The following PCDHGA4 variants were observed in gnomAD, a reference collection of about 807,000 sequenced individuals.
The protein encoded by PCDHGA4 is protocadherin gamma-A4.
Under a neutral mutation model 54.6 loss-of-function variants are expected in PCDHGA4, and 38 were observed. The ratio of observed to expected loss-of-function variants is 0.70; its 90% CI spans 0.54 to 0.91. PCDHGA4 has a LOEUF of 0.91. Ranked by LOEUF, PCDHGA4 falls within the 40% of genes least tolerant of loss-of-function variation. The pLI is 0.00. For synonymous variants in PCDHGA4, 511 were observed against 512.9 expected, an observed-to-expected ratio of 1.00 and a Z score of 0.05; for missense variants, 1,298 against 1,220.9, an observed-to-expected ratio of 1.06 and a Z score of -0.94.
chr5:141,416,532 A>T (rs3806830), intron 1 of PCDHGA4: 1 of 152,142 alleles, frequency 6.6e-6, no homozygotes, highest in Non-Finnish European at 1.5e-5. Context: ...TCTTTAATGT[A>T]TAAGGAGGCA....
chr5:141,422,626 C>A, intron 1 of PCDHGA4: 2 of 1,613,334 alleles, frequency 1.2e-6, no homozygotes, highest in Non-Finnish European at 1.7e-6. Flanking sequence ...CGAAAACAAC[C>A]CCAGGGGTGC....
chr5:141,357,069 A>G lies in PCDHGA4; in HGVS notation c.1962A>G (p.Thr654=), dbSNP rs777295000. The part of the protein sequence containing the change: ...EPGLFAVGLH[T]GEVRTARALL... Reference sequence around the variant, plus strand: ...GACTATTTGCAGTGGGGCTGCACACAGGCGAGGTGCGCACCGCACGGGCCC... The same window carrying G: ...GACTATTTGCAGTGGGGCTGCACACGGGCGAGGTGCGCACCGCACGGGCCC... The change falls in exon 1 of 4, where the codon ACA becomes ACG. Residue 654 remains threonine, a synonymous_variant. Coordinates refer to ENST00000571252, the MANE Select transcript of PCDHGA4 (RefSeq NM_018917.4). 5 of 1,613,964 alleles carry G rather than the reference A, an allele frequency of 3.1e-6. No homozygotes were observed. The highest frequency in any genetic ancestry group is 4.2e-6 in the Non-Finnish European group (5 of 1,179,968).
Position 141,487,506 on chromosome 5 carries a change from C to T in PCDHGA4, c.2515-7301C>T. 1 of 1,614,220 alleles carries T rather than the reference C, an allele frequency of 6.2e-7. No homozygotes were observed. The highest frequency in any genetic ancestry group is 8.5e-7 in the Non-Finnish European group (1 of 1,180,046). On this transcript the variant is annotated intron_variant, in intron 1 of 3. Coordinates refer to ENST00000571252, the MANE Select transcript of PCDHGA4 (RefSeq NM_018917.4). The surrounding 1 kb of genome is among the most constrained non-coding windows in gnomAD (Gnocchi z 5.0). ...CATGGCTGTACACCCTTGGCTTCTG[C>T]ACCCACTCGGAGTGATAGCTTCATG...
intron 1 of PCDHGA4, chr5:141,400,151 C>T: frequency 6.2e-7 from 1 of 1,614,086 alleles, no homozygotes; most frequent in Non-Finnish European, 8.5e-7. Context: ...ACTGACCGCC[C>T]TGTACCCTCT....
At chr5:141,419,331 T>G (rs2096361475) in intron 1 of PCDHGA4, 2 of 1,613,840 alleles carry the variant, frequency 1.2e-6, no homozygotes, top group Non-Finnish European at 8.5e-7. Flanking sequence ...TCCTACTCTC[T>G]CATTGCCAGC....
intron 1 of PCDHGA4, chr5:141,388,189 G>A: frequency 1.3e-6 from 2 of 1,542,748 alleles, no homozygotes; most frequent in Admixed American, 1.7e-5. Context: ...AAGCCAGCTT[G>A]TGCTCTGGAA....
At chr5:141,386,302 C>T (rs1192647200) in intron 1 of PCDHGA4, among the ~76,000 whole-genome samples, 1 of 152,174 alleles carries the variant, frequency 6.6e-6, no homozygotes, top group Non-Finnish European at 1.5e-5. Flanking sequence ...TTTAGTAAAG[C>T]TCAGTATATC....
intron 1 of PCDHGA4, among the ~76,000 whole-genome samples, chr5:141,402,212 A>T (rs1282581389): frequency 6.6e-6 from 1 of 152,138 alleles, no homozygotes; most frequent in Non-Finnish European, 1.5e-5. Context: ...ACAAAAATTT[A>T]AAATAAACGT....
At position 141,491,591 on chromosome 5, in the gene PCDHGA4, G is replaced by A. The variant is rs969259993; in HGVS notation, c.2515-3216G>A. 22 of 1,613,862 alleles carry A rather than the reference G, an allele frequency of 1.4e-5. No individual in the cohort carries two copies. The highest frequency in any genetic ancestry group is 1.8e-5 in the Non-Finnish European group (21 of 1,180,048). ...ACGTGCTTTTCACCGGCCTCGGACG[G>A]CAGTGACTTCACTTTTCTAAGACCC... On this transcript the variant is annotated intron_variant, in intron 1 of 3. Coordinates refer to ENST00000571252, the MANE Select transcript of PCDHGA4 (RefSeq NM_018917.4). This position sits in a 1 kb window ranked among gnomAD's most constrained non-coding sequence, Gnocchi z 6.9.
At chr5:141,444,152 ATTTTTTTTTTTTTTTTTTT>A (rs747671382) in intron 1 of PCDHGA4, among the ~76,000 whole-genome samples, 14 of 33,898 alleles carry the variant, frequency 4.1e-4, no homozygotes, top group South Asian at 3.1e-3. Flanking sequence ...TGTGTACTGG[ATTTTTTTTTTTTTTTTTTT>A]TTTTTTTTTT....
intron 3 of PCDHGA4, among the ~76,000 whole-genome samples, chr5:141,509,633 GA>G (rs2099877629): frequency 6.6e-6 from 1 of 152,204 alleles, no homozygotes; most frequent in Non-Finnish European, 1.5e-5. Flanking sequence ...GGGTGATGCT[GA>G]GCCAGGGCCA....
intron 1 of PCDHGA4, chr5:141,366,607 C>T (rs200161061): frequency 6.8e-5 from 110 of 1,614,150 alleles, no homozygotes; most frequent in Non-Finnish European, 9.1e-5. Flanking sequence ...AGGTCTCCCT[C>T]ACCGCGGACT....
intron 1 of PCDHGA4, chr5:141,364,858 G>C (rs199575653): frequency 6.2e-7 from 1 of 1,614,006 alleles, no homozygotes; most frequent in African/African-American, 1.3e-5. Context: ...GCTCCAATCT[G>C]CACTTCTCTC....
rs763001349 is a variant in PCDHGA4 at position 141,398,988 on chromosome 5, C to A, written c.2514+41367C>A. 1.9e-6 allele frequency: 3 copies of A among 1,613,832 alleles called. No homozygotes were observed. The African/African-American group carries it at 4.0e-5, about 22-fold the overall frequency. On this transcript the variant is annotated intron_variant, in intron 1 of 3. Coordinates refer to ENST00000571252, the MANE Select transcript of PCDHGA4 (RefSeq NM_018917.4). Reference sequence around the variant, plus strand: ...ATTCCTTCTACAGAACCGGGCAAATCTTTAGTCTGAATTCAAAGAGCGGAG... The same window carrying A: ...ATTCCTTCTACAGAACCGGGCAAATATTTAGTCTGAATTCAAAGAGCGGAG...
chr5:141,408,197 C>A (rs2095057098), intron 1 of PCDHGA4: 5 of 1,546,080 alleles, frequency 3.2e-6, no homozygotes, highest in Non-Finnish European at 4.4e-6. Context: ...AGAACCCGAG[C>A]GAACGATGGG....
chr5:141,393,690 C>T (rs779487285), intron 1 of PCDHGA4: 4 of 1,613,752 alleles, frequency 2.5e-6, no homozygotes, highest in Non-Finnish European at 2.5e-6. Context: ...TCCGTTATTC[C>T]AGCTTAATGA....
At chr5:141,400,394 G>A in intron 1 of PCDHGA4, 2 of 1,614,072 alleles carry the variant, frequency 1.2e-6, no homozygotes, top group Non-Finnish European at 1.7e-6. Context: ...GCACATACAG[G>A]AAAGACGGAG....
At chr5:141,369,567 A>G (rs1325702872) in intron 1 of PCDHGA4, among the ~76,000 whole-genome samples, 2 of 152,244 alleles carry the variant, frequency 1.3e-5, no homozygotes, top group African/African-American at 4.8e-5. Flanking sequence ...ACAAAGGAAA[A>G]GAGACCCTCT....
chr5:141,421,799 A>G (rs778353620), intron 1 of PCDHGA4: 1 of 1,613,860 alleles, frequency 6.2e-7, no homozygotes, highest in South Asian at 1.1e-5. Flanking sequence ...GATGGGGCCA[A>G]GAATCCAGAG....
Sources: gnomAD v4.1 joint callset for allele counts (sites outside exome capture counted in the v4.1 genomes callset) on GRCh38, gnomAD v4.1.1 for gene constraint, Gnocchi (gnomAD v3.1) non-coding constraint, MANE v1.5 for transcripts, NCBI Gene and HGNC (gene_info 2026-07-23, HGNC 2026-07-21) for gene names.